PDE11A: variants seen among roughly 807,000 people sequenced by gnomAD.
PDE11A encodes dual 3',5'-cyclic-AMP and -GMP phosphodiesterase 11A.
In PDE11A, 100 loss-of-function variants were observed where a neutral mutation model predicts 100.5. That is an observed-to-expected ratio of 1.00 (90% CI 0.85 to 1.18). The LOEUF (loss-of-function observed/expected upper bound fraction) is 1.18, where lower values mean the gene tolerates loss of function less well. Ranked by LOEUF, PDE11A falls within the 50% of genes most tolerant of loss-of-function variation. The probability of loss-of-function intolerance (pLI) is 0.00; values close to 1 mark genes in which losing one functional copy is unlikely to be tolerated. For missense variants in PDE11A, 1,141 were observed against 1,152.6 expected, an observed-to-expected ratio of 0.99 and a Z score of 0.15; for synonymous variants, 381 against 420.8, an observed-to-expected ratio of 0.91 and a Z score of 1.16.
At chr2:178,050,051 C>T (rs768597487) in intron 1 of PDE11A, among the ~76,000 whole-genome samples, 17 of 152,132 alleles carry the variant, frequency 1.1e-4, no homozygotes, top group Non-Finnish European at 2.1e-4. Context: ...AGACTGCCTC[C>T]TAAAGTGGCT....
At chr2:178,082,815 G>A (rs887298530) in intron 2 of PDE11A, among the ~76,000 whole-genome samples, 4 of 152,126 alleles carry the variant, frequency 2.6e-5, no homozygotes, top group African/African-American at 4.8e-5. Flanking sequence ...CTCCATGGTC[G>A]GTGGGGCAGC....
intron 12 of PDE11A, among the ~76,000 whole-genome samples, chr2:177,713,550 C>T (rs1207120330): frequency 6.6e-6 from 1 of 152,018 alleles, no homozygotes; most frequent in Non-Finnish European, 1.5e-5. Context: ...CATGGCAAAA[C>T]CCCATCTTTA....
intron 9 of PDE11A, among the ~76,000 whole-genome samples, chr2:177,816,405 G>A (rs554548775): frequency 6.6e-6 from 1 of 151,944 alleles, no homozygotes; most frequent in South Asian, 2.1e-4. Context: ...AAAGGGAATC[G>A]GATAATGACA....
intron 9 of PDE11A, among the ~76,000 whole-genome samples, chr2:177,781,648 C>T (rs1438820351): frequency 5.9e-5 from 9 of 152,056 alleles, no homozygotes; most frequent in South Asian, 2.1e-4. Context: ...ACTACAGGTG[C>T]GTGCCACCAC....
chr2:177,688,000 G>T (rs1306902391), intron 15 of PDE11A: 2 of 152,194 alleles, frequency 1.3e-5, no homozygotes, highest in Non-Finnish European at 2.9e-5. Flanking sequence ...CTATAAGGAA[G>T]AACTTTTCCT....
chr2:178,025,033 C>A (rs1278841861), intron 1 of PDE11A, among the ~76,000 whole-genome samples: 1 of 152,198 alleles, frequency 6.6e-6, no homozygotes, highest in African/African-American at 2.4e-5. Flanking sequence ...ATAGCTCATT[C>A]TTTAGGCCTC....
intron 1 of PDE11A, among the ~76,000 whole-genome samples, chr2:178,065,576 G>C (rs1403857609): frequency 6.6e-6 from 1 of 152,200 alleles, no homozygotes; most frequent in Non-Finnish European, 1.5e-5. Context: ...GGCTGAAATA[G>C]CAGAGTTTCC....
intron 2 of PDE11A, among the ~76,000 whole-genome samples, chr2:178,000,649 G>T (rs565631501): frequency 6.6e-6 from 1 of 152,250 alleles, no homozygotes; most frequent in Admixed American, 6.5e-5. Context: ...CTACCTCATA[G>T]CTGTATATGT....
intron 1 of PDE11A, among the ~76,000 whole-genome samples, chr2:178,020,902 TG>T (rs2086399903): frequency 1.3e-5 from 2 of 150,988 alleles, no homozygotes; most frequent in East Asian, 3.9e-4. Context: ...ATTAAGTCTT[TG>T]TTTTTTTGTT....
intron 2 of PDE11A, among the ~76,000 whole-genome samples, chr2:177,974,384 A>G (rs2085806667): frequency 1.6e-5 from 1 of 62,044 alleles, no homozygotes; most frequent in Non-Finnish European, 2.7e-5. Context: ...GGAAGTTTAG[A>G]GAAAAAATAA....
chr2:177,672,090 C>T (rs969973642), intron 17 of PDE11A, among the ~76,000 whole-genome samples: 2 of 152,156 alleles, frequency 1.3e-5, no homozygotes, highest in African/African-American at 2.4e-5. Flanking sequence ...GGAAGAGCCT[C>T]CTACCTCTTC....
chr2:177,632,115 A>T (rs2079959642), intron 19 of PDE11A, among the ~76,000 whole-genome samples: 1 of 152,244 alleles, frequency 6.6e-6, no homozygotes, highest in African/African-American at 2.4e-5. Context: ...CCTGCCATAT[A>T]GAATGAAGAT....
In PDE11A at chr2:178,072,088, G is replaced by A; in HGVS notation, c.350C>T (p.Ser117Phe). ...AAAACTCTTCCTTAGCTCTTTCTGA[G>A]AAGCTCTCCGCTGCAGGTTCCCATC... is the stretch of plus-strand genomic sequence containing the variant. ...RGDGNLQRRA[S>F]QKELRKSFAR... The change falls in exon 1 of 20, where the codon TCT becomes TTT. Residue 117 changes from serine to phenylalanine, a missense_variant. Ser to Phe is a radical substitution (Grantham distance 155, BLOSUM62 -2). Coordinates refer to ENST00000286063, the MANE Select transcript of PDE11A (RefSeq NM_016953.4). 1 of 1,614,144 alleles carries A rather than the reference G, an allele frequency of 6.2e-7. No individual in the cohort carries two copies. The highest frequency in any genetic ancestry group is 8.5e-7 in the Non-Finnish European group (1 of 1,180,004).
At chr2:177,904,679 C>T (rs2084752805) in intron 3 of PDE11A, among the ~76,000 whole-genome samples, 1 of 99,184 alleles carries the variant, frequency 1.0e-5, no homozygotes, top group African/African-American at 2.8e-5. Context: ...CTCAGCCTCC[C>T]GAGTAGCTGG....
In PDE11A at chr2:177,783,471, A is replaced by G. The variant is rs559654789; in HGVS notation, c.1738-14098T>C. ...ATTCTTTCTGAGCAACAAGTACCCA[A>G]ACTAACATTTTCATATTTGTCTTCC... On this transcript the variant is annotated intron_variant, in intron 9 of 19. Coordinates refer to ENST00000286063, the MANE Select transcript of PDE11A (RefSeq NM_016953.4). Among the ~76,000 whole-genome samples the G allele has an allele frequency of 5.3e-5, 8 of 152,280 alleles. No individual in the cohort carries two copies. The East Asian group carries it at 1.5e-3, about 29-fold the overall frequency.
At chr2:177,737,110 C>T (rs575834388) in intron 10 of PDE11A, among the ~76,000 whole-genome samples, 86 of 151,814 alleles carry the variant, frequency 5.7e-4, no homozygotes, top group Middle Eastern at 3.4e-3. Flanking sequence ...CATGATGGCA[C>T]ATGCCTGTAA....
chr2:177,657,952 T>G (rs995679779), intron 19 of PDE11A, among the ~76,000 whole-genome samples: 4 of 152,062 alleles, frequency 2.6e-5, no homozygotes, highest in African/African-American at 9.7e-5. Context: ...CAGCTAGAAC[T>G]GGCCAGGAAG....
At chr2:177,711,553 G>A (rs372384141) in intron 13 of PDE11A, among the ~76,000 whole-genome samples, 3 of 152,134 alleles carry the variant, frequency 2.0e-5, no homozygotes, top group African/African-American at 4.8e-5. Context: ...AACAGAGACC[G>A]ACCAAATCAA....
intron 9 of PDE11A, among the ~76,000 whole-genome samples, chr2:177,789,094 A>AT (rs2082587899): frequency 6.6e-6 from 1 of 152,240 alleles, no homozygotes; most frequent in Admixed American, 6.5e-5. Context: ...CAAAAAGAGA[A>AT]TTTTAGACCA....
Sources: gnomAD v4.1 joint callset for allele counts (sites outside exome capture counted in the v4.1 genomes callset) on GRCh38, gnomAD v4.1.1 for gene constraint, MANE v1.5 for transcripts, NCBI Gene and HGNC (gene_info 2026-07-23, HGNC 2026-07-21) for gene names.